PRIM2: variants seen among roughly 807,000 people sequenced by gnomAD.
PRIM2 encodes the protein DNA primase large subunit.
Under a neutral mutation model 67.3 loss-of-function variants are expected in PRIM2, and 39 were observed. The ratio of observed to expected loss-of-function variants is 0.58; its 90% CI spans 0.45 to 0.76. The LOEUF is 0.76. PRIM2 is among the 30% of genes least tolerant of loss of function. The pLI is 0.00. For missense variants in PRIM2, 398 were observed against 598.7 expected, an observed-to-expected ratio of 0.66 and a Z score of 3.50; for synonymous variants, 143 against 198.7, an observed-to-expected ratio of 0.72 and a Z score of 2.36.
chr6:57,625,175 G>A (rs1162406313), intron 12 of PRIM2, among the ~76,000 whole-genome samples: 1 of 152,106 alleles, frequency 6.6e-6, no homozygotes, highest in Non-Finnish European at 1.5e-5. Flanking sequence ...ACAAGTAAGT[G>A]TAGTGAAATA....
At chr6:57,225,550 T>C in the PRIM2 span, among the ~76,000 whole-genome samples, 1 of 152,234 alleles carries the variant, frequency 6.6e-6, no homozygotes, top group Admixed American at 6.5e-5. Context: ...TTCACAAAAT[T>C]ATTTTAAGGA....
intron 7 of PRIM2, among the ~76,000 whole-genome samples, chr6:57,422,110 T>C (rs773122829): frequency 3.5e-4 from 53 of 151,248 alleles, no homozygotes; most frequent in Non-Finnish European, 6.6e-4. Flanking sequence ...TGCATTAATT[T>C]ATGTAGTCAA....
At chr6:57,606,339 A>G in intron 11 of PRIM2, 36 bp from the exon 12 acceptor site, 1 of 1,537,350 alleles carries the variant, frequency 6.5e-7, no homozygotes, top group Non-Finnish European at 8.9e-7. Context: ...TGGATAAATA[A>G]CCTTGTTTGT....
the PRIM2 span, among the ~76,000 whole-genome samples, chr6:57,227,477 C>G: frequency 6.6e-6 from 1 of 152,016 alleles, no homozygotes; most frequent in South Asian, 2.1e-4. Context: ...AACCCCATCT[C>G]TACTAAAAAT....
intron 7 of PRIM2, among the ~76,000 whole-genome samples, chr6:57,455,475 T>TGATTC (rs1772734737): frequency 6.6e-6 from 1 of 152,214 alleles, no homozygotes; most frequent in Admixed American, 6.5e-5. Flanking sequence ...TGCTCCTGTA[T>TGATTC]TGGGTGCATA....
At chr6:57,288,020 C>A in the PRIM2 span, among the ~76,000 whole-genome samples, 10 of 152,176 alleles carry the variant, frequency 6.6e-5, no homozygotes, top group Non-Finnish European at 1.5e-4. Flanking sequence ...CGTTCCTAGT[C>A]AAGGGAAGCT....
chr6:57,481,706 C>G (rs1271993098), intron 7 of PRIM2, among the ~76,000 whole-genome samples: 1 of 152,070 alleles, frequency 6.6e-6, no homozygotes, highest in Non-Finnish European at 1.5e-5. Context: ...TACTATTTCA[C>G]ATTCCCACCA....
At chr6:57,367,633 A>G (rs941044450) in intron 5 of PRIM2, among the ~76,000 whole-genome samples, 2 of 152,206 alleles carry the variant, frequency 1.3e-5, no homozygotes, top group African/African-American at 2.4e-5. Flanking sequence ...ACATAGTATT[A>G]TATATGGGCT....
the PRIM2 span, among the ~76,000 whole-genome samples, chr6:57,273,141 T>C: frequency 1.3e-5 from 2 of 152,128 alleles, no homozygotes; most frequent in Non-Finnish European, 2.9e-5. Context: ...CTTTGTGGCG[T>C]TCTCTGTATT....
intron 7 of PRIM2, among the ~76,000 whole-genome samples, chr6:57,454,362 G>A (rs6929217): frequency 6.6e-6 from 1 of 152,178 alleles, no homozygotes; most frequent in Non-Finnish European, 1.5e-5. Context: ...AGAAGGAATG[G>A]TACCAGTTCC....
chr6:57,384,229 G>A (rs13212768), intron 7 of PRIM2, among the ~76,000 whole-genome samples: 2 of 152,016 alleles, frequency 1.3e-5, no homozygotes, highest in African/African-American at 2.4e-5. Flanking sequence ...TCAAGGTGTC[G>A]GCATGGCCAT....
intron 10 of PRIM2, among the ~76,000 whole-genome samples, chr6:57,542,883 A>G (rs1775191884): frequency 6.7e-6 from 1 of 150,248 alleles, no homozygotes; most frequent in South Asian, 2.1e-4. Flanking sequence ...GATACATACA[A>G]TTAAAAATAT....
intron 7 of PRIM2, among the ~76,000 whole-genome samples, chr6:57,469,733 A>G (rs1773292162): frequency 6.6e-6 from 1 of 152,148 alleles, no homozygotes; most frequent in Non-Finnish European, 1.5e-5. Context: ...TTTCTCATAC[A>G]TGTAGCTACA....
At chr6:57,532,720 G>A (rs1448783423) in intron 9 of PRIM2, among the ~76,000 whole-genome samples, 1 of 152,042 alleles carries the variant, frequency 6.6e-6, no homozygotes, top group African/African-American at 2.4e-5. Flanking sequence ...TTCCAAACAG[G>A]AATTCTTTTA....
chr6:57,437,104 G>A (rs1466175964), intron 7 of PRIM2, among the ~76,000 whole-genome samples: 1 of 152,172 alleles, frequency 6.6e-6, no homozygotes, highest in Non-Finnish European at 1.5e-5. Context: ...AGGCAAAACA[G>A]GAGTAGGTGT....
At chr6:57,588,898 C>T (rs1776239934) in intron 10 of PRIM2, among the ~76,000 whole-genome samples, 1 of 151,962 alleles carries the variant, frequency 6.6e-6, no homozygotes, top group Non-Finnish European at 1.5e-5. Flanking sequence ...AATTCTCTTT[C>T]CATGTTGTCT....
At chr6:57,381,941 A>C in intron 6 of PRIM2, 90 bp from the exon 7 acceptor site, 2 of 1,349,414 alleles carry the variant, frequency 1.5e-6, no homozygotes, top group Non-Finnish European at 2.0e-6. Context: ...GGACTAATGA[A>C]TTTCTTTGTT....
At chr6:57,223,583 G>C in the PRIM2 span, among the ~76,000 whole-genome samples, 1 of 152,146 alleles carries the variant, frequency 6.6e-6, no homozygotes, top group Non-Finnish European at 1.5e-5. Flanking sequence ...TTGGTTGGCA[G>C]TATCTCTTAA....
the PRIM2 span, among the ~76,000 whole-genome samples, chr6:57,292,572 C>A: frequency 6.6e-6 from 1 of 152,180 alleles, no homozygotes; most frequent in Admixed American, 6.5e-5. Context: ...AAGTTGGAGG[C>A]ATCATGCTAC....
Sources: allele counts gnomAD v4.1 joint callset (sites outside exome capture counted in the v4.1 genomes callset), GRCh38; gene constraint gnomAD v4.1.1; transcripts MANE v1.5; gene names NCBI Gene and HGNC (gene_info 2026-07-23, HGNC 2026-07-21).